ADAMTS2: variants seen among roughly 807,000 people sequenced by gnomAD.
ADAMTS2 encodes the protein A disintegrin and metalloproteinase with thrombospondin motifs 2.
Under a neutral mutation model 123.0 loss-of-function variants are expected in ADAMTS2, and 50 were observed. The observed-to-expected ratio is 0.41, with a 90% CI of 0.32 to 0.51. The LOEUF (loss-of-function observed/expected upper bound fraction) is 0.51. Ranked by LOEUF, ADAMTS2 falls within the 20% of genes least tolerant of loss-of-function variation. ADAMTS2 has a pLI of 0.35. For synonymous variants in ADAMTS2, 678 were observed against 695.4 expected (o/e 0.98, Z 0.39); for missense variants, 1,494 against 1,705.2 (o/e 0.88, Z 2.18).
intron 4 of ADAMTS2, among the ~76,000 whole-genome samples, chr5:179,204,071 G>A (rs912236903): frequency 6.6e-6 from 1 of 152,210 alleles, no homozygotes; most frequent in South Asian, 2.1e-4. Context: ...AGGATGTCAT[G>A]CTAAGTGAAA....
chr5:179,295,764 G>T (rs1200910801), intron 2 of ADAMTS2, among the ~76,000 whole-genome samples: 1 of 152,222 alleles, frequency 6.6e-6, no homozygotes, highest in South Asian at 2.1e-4. Flanking sequence ...GTGAGAGTCG[G>T]GGTGGGAGGA....
At chr5:179,145,590 A>G (rs1177354185) in intron 10 of ADAMTS2, among the ~76,000 whole-genome samples, 2 of 152,224 alleles carry the variant, frequency 1.3e-5, no homozygotes, top group Non-Finnish European at 2.9e-5. Flanking sequence ...ATGCCAAGTG[A>G]AAGACGCCAG....
chr5:179,272,020 A>C lies in ADAMTS2; in HGVS notation c.688+891T>G, dbSNP rs1766549915. ...ACCCAGGGGTCCTGACCAGAGGCTG[A>C]GGGCTGAGCTCGCAGCTTCCCACTC... On this transcript the variant is annotated intron_variant, in intron 3 of 21. Transcript: ENST00000251582. This position sits in a 1 kb window ranked among gnomAD's most constrained non-coding sequence, Gnocchi z 5.8. 2.0e-5 allele frequency among the ~76,000 whole-genome samples: 3 copies of C among 152,186 alleles called. No homozygotes were observed. The highest frequency in any genetic ancestry group is 4.4e-5 in the Non-Finnish European group (3 of 68,032).
At chr5:179,219,463 T>C (rs554473945) in intron 3 of ADAMTS2, among the ~76,000 whole-genome samples, 4 of 152,224 alleles carry the variant, frequency 2.6e-5, no homozygotes, top group African/African-American at 4.8e-5. Context: ...TCTTGAACGA[T>C]TGAGGCATCA....
At chr5:179,309,734 G>A (rs1254026288) in intron 2 of ADAMTS2, among the ~76,000 whole-genome samples, 1 of 131,294 alleles carries the variant, frequency 7.6e-6, no homozygotes, top group Admixed American at 9.2e-5. Context: ...TCCAGCCTGG[G>A]CAACACAGCA....
chr5:179,336,463 C>T (rs1227747788), intron 2 of ADAMTS2, among the ~76,000 whole-genome samples: 1 of 152,224 alleles, frequency 6.6e-6, no homozygotes, highest in Admixed American at 6.5e-5. Flanking sequence ...ATGGCCCACC[C>T]ATTAGGCTGC....
chr5:179,158,673 G>C lies in ADAMTS2; in HGVS notation c.1132+50C>G. On this transcript the variant is annotated intron_variant, in intron 6 of 21. Transcript: ENST00000251582. This position sits in a 1 kb window ranked among gnomAD's most constrained non-coding sequence, Gnocchi z 5.0. ...TCCCGGGGCCCCTTGCATGGCCAGG[G>C]GCTCATTTCCAGCTTCACGCCTCTG... is the stretch of plus-strand genomic sequence containing the variant. 1 of 1,613,198 alleles carries C rather than the reference G, an allele frequency of 6.2e-7. No individual in the cohort carries two copies. The highest frequency in any genetic ancestry group is 8.5e-7 in the Non-Finnish European group (1 of 1,179,874).
At chr5:179,304,293 AC>A (rs1756612334) in intron 2 of ADAMTS2, among the ~76,000 whole-genome samples, 1 of 152,226 alleles carries the variant, frequency 6.6e-6, no homozygotes, top group South Asian at 2.1e-4. Flanking sequence ...TGTCCAGGAT[AC>A]AGTCCAAAAT....
intron 3 of ADAMTS2, among the ~76,000 whole-genome samples, chr5:179,265,442 G>A (rs1028838646): frequency 9.2e-5 from 14 of 152,200 alleles, no homozygotes; most frequent in Admixed American, 5.2e-4. Flanking sequence ...CCCAGACGCC[G>A]TGGAGGGGGA....
Position 179,180,821 on chromosome 5 carries a change from C to T in ADAMTS2, c.975+251G>A, listed in dbSNP as rs1191961353. On this transcript the variant is annotated intron_variant, in intron 5 of 21. Coordinates refer to ENST00000251582, the MANE Select transcript of ADAMTS2 (RefSeq NM_014244.5). This position sits in a 1 kb window ranked among gnomAD's most constrained non-coding sequence, Gnocchi z 4.6. ...TGCCTCCCTGTGTGGCCCCCGTGGC[C>T]TGGTATGTCTCTTCCTCTTGGGATC... Among the ~76,000 whole-genome samples, 1 of 152,190 alleles carries T rather than the reference C, an allele frequency of 6.6e-6. No homozygotes were observed. Among genetic ancestry groups the T allele is most frequent in the South Asian group, 2.1e-4 (1 of 4,822 alleles).
intron 19 of ADAMTS2, among the ~76,000 whole-genome samples, chr5:179,123,041 G>A (rs933910732): frequency 1.3e-5 from 2 of 152,256 alleles, no homozygotes; most frequent in Non-Finnish European, 2.9e-5. Context: ...GCCTGGCGCT[G>A]CTGGACTCTC....
At position 179,162,554 on chromosome 5, in the gene ADAMTS2, C is replaced by G. The variant is rs1049864711; in HGVS notation, c.976-3675G>C. Among the ~76,000 whole-genome samples, 58 of 152,188 alleles carry G rather than the reference C, an allele frequency of 3.8e-4. No individual in the cohort carries two copies. Among genetic ancestry groups the G allele is most frequent in the Non-Finnish European group, 1.8e-4 (12 of 68,034 alleles). On this transcript the variant is annotated intron_variant, in intron 5 of 21. Coordinates refer to ENST00000251582, the MANE Select transcript of ADAMTS2 (RefSeq NM_014244.5). The surrounding 1 kb of genome is among the most constrained non-coding windows in gnomAD (Gnocchi z 5.1). ...CCAGCTGAGCTGTTGCACACCATACCGTATGGGCCCCTCCTGGGGCCGTCA... is the reference window on the plus strand; with the variant it reads ...CCAGCTGAGCTGTTGCACACCATACGGTATGGGCCCCTCCTGGGGCCGTCA...
chr5:179,306,182 A>G (rs1561717247), intron 2 of ADAMTS2, among the ~76,000 whole-genome samples: 1 of 152,142 alleles, frequency 6.6e-6, no homozygotes, highest in Non-Finnish European at 1.5e-5. Flanking sequence ...CTATAAACCA[A>G]TATCCCTCAA....
intron 3 of ADAMTS2, among the ~76,000 whole-genome samples, chr5:179,214,339 T>C (rs1764926037): frequency 6.6e-6 from 1 of 152,166 alleles, no homozygotes; most frequent in South Asian, 2.1e-4. Flanking sequence ...CCCTAAACCC[T>C]AAACATCTGA....
At position 179,162,555 on chromosome 5, in the gene ADAMTS2, G is replaced by T. The variant is rs556961019; in HGVS notation, c.976-3676C>A. 6.6e-6 allele frequency among the ~76,000 whole-genome samples: 1 copy of T among 152,156 alleles called. No homozygotes were observed. Among genetic ancestry groups the T allele is most frequent in the Admixed American group, 6.5e-5 (1 of 15,278 alleles). The stretch of plus-strand genomic sequence containing the variant: ...CAGCTGAGCTGTTGCACACCATACC[G>T]TATGGGCCCCTCCTGGGGCCGTCAC... On this transcript the variant is annotated intron_variant, in intron 5 of 21. Coordinates refer to ENST00000251582, the MANE Select transcript of ADAMTS2 (RefSeq NM_014244.5). The surrounding 1 kb of genome is among the most constrained non-coding windows in gnomAD (Gnocchi z 5.1).
In ADAMTS2 at chr5:179,272,961, C is replaced by T. The variant is rs369215593; in HGVS notation, c.638G>A (p.Arg213His). The change falls in exon 3 of 22, where the codon CGC (arginine) becomes CAC (histidine). Residue 213 changes from arginine (R) to histidine (H), a missense_variant. Coordinates refer to ENST00000251582, the MANE Select transcript of ADAMTS2 (RefSeq NM_014244.5). The surrounding 1 kb of genome is among the most constrained non-coding windows in gnomAD (Gnocchi z 5.8). ...AEQGRVHVVY[R>H]RPPTSPPLGG... ...GAGAGGAGGGGACGTGGGTGGCCGG[C>T]GATACACCACATGCACACGGCCTTG... 134 of 1,612,392 alleles carry T rather than the reference C, an allele frequency of 8.3e-5. No homozygotes were observed. Among genetic ancestry groups the T allele is most frequent in the Non-Finnish European group, 1.0e-4 (119 of 1,179,980 alleles).
rs552299427 is a variant in ADAMTS2 at position 179,132,010 on chromosome 5, C to T, written c.2290+220G>A. On this transcript the variant is annotated intron_variant, in intron 15 of 21. Coordinates refer to ENST00000251582, the MANE Select transcript of ADAMTS2 (RefSeq NM_014244.5). This position sits in a 1 kb window ranked among gnomAD's most constrained non-coding sequence, Gnocchi z 6.1. ...ATGTCCTTTCATAGCTGCTGCCAAG[C>T]GGAGCCCTCTGATCCCAAACCCTGG... Among the ~76,000 whole-genome samples, 19 of 152,322 alleles carry T rather than the reference C, an allele frequency of 1.2e-4. No individual in the cohort carries two copies. The South Asian group carries it at 2.9e-3, about 23-fold the overall frequency.
chr5:179,253,338 T>C (rs551437031), intron 3 of ADAMTS2, among the ~76,000 whole-genome samples: 206 of 152,284 alleles, frequency 1.4e-3, no homozygotes, highest in African/African-American at 4.7e-3. Context: ...CCTTTATAAT[T>C]TGTCTTATAA....
rs552223434 is a variant in ADAMTS2 at position 179,342,557 on chromosome 5, G to A, written c.534+1210C>T. Reference sequence around the variant, plus strand: ...GTTGCAGAGCCCTGGTGTAATTGCCGGCTCTGCAGACTGTAGGATGAGCCT... The same window carrying A: ...GTTGCAGAGCCCTGGTGTAATTGCCAGCTCTGCAGACTGTAGGATGAGCCT... On this transcript the variant is annotated intron_variant, in intron 2 of 21. Coordinates refer to ENST00000251582, the MANE Select transcript of ADAMTS2 (RefSeq NM_014244.5). 1.6e-4 allele frequency among the ~76,000 whole-genome samples: 25 copies of A among 152,352 alleles called. 1 individual carries two copies. The highest frequency in any genetic ancestry group is 3.4e-3 in the Middle Eastern group (1 of 294).
Sources: allele counts gnomAD v4.1 joint callset (sites outside exome capture counted in the v4.1 genomes callset), GRCh38; gene constraint gnomAD v4.1.1; non-coding constraint Gnocchi (gnomAD v3.1); transcripts MANE v1.5; gene names NCBI Gene and HGNC (gene_info 2026-07-23, HGNC 2026-07-21).